Variants in CFAP92 observed in about 807,000 individuals in gnomAD.
CFAP92 encodes cilia and flagella associated protein 92 (putative), also known as uncharacterized protein CFAP92.
CFAP92 carries 86 observed loss-of-function variants against 106.3 expected under a neutral mutation model. The ratio of observed to expected loss-of-function variants is 0.81; its 90% confidence interval spans 0.68 to 0.97. The LOEUF (loss-of-function observed/expected upper bound fraction) is 0.97, where lower values mean the gene tolerates loss of function less well. Among genes scored for constraint, CFAP92 ranks in the 50% least tolerant of loss-of-function variants. CFAP92 has a pLI of 0.00. For missense variants in CFAP92, 1,204 were observed against 1,283.8 expected (o/e 0.94, Z 0.95); for synonymous variants, 477 against 506.4 (o/e 0.94, Z 0.78).
chr3:129,016,163 T>C, the CFAP92 span, among the ~76,000 whole-genome samples: 1 of 152,216 alleles, frequency 6.6e-6, no homozygotes, highest in Non-Finnish European at 1.5e-5. Context: ...ACCGCTCCCT[T>C]GGTTACAGCA....
intron 9 of CFAP92, among the ~76,000 whole-genome samples, chr3:128,964,383 A>G (rs1942200725): frequency 6.6e-6 from 1 of 152,138 alleles, no homozygotes; most frequent in Admixed American, 6.6e-5. Context: ...TGTGCCCCCA[A>G]AAAACTTGTC....
chr3:129,001,836 G>GGCGCCGGCCGTCTGCCCC (rs1333635549), intron 1 of CFAP92: 1 of 1,545,552 alleles, frequency 6.5e-7, no homozygotes, highest in African/African-American at 1.4e-5. Context: ...GGACTGCCGC[G>GGCGCCGGCCGTCTGCCCC]GCGCCGGCCG....
upstream of CFAP92, chr3:129,004,207 T>G: frequency 8.6e-7 from 1 of 1,165,340 alleles, no homozygotes; most frequent in Non-Finnish European, 1.1e-6. Context: ...ATTCATGTAT[T>G]CTTTCATTCC....
chr3:128,961,856 T>C (rs1444092227), intron 9 of CFAP92, among the ~76,000 whole-genome samples: 4 of 152,226 alleles, frequency 2.6e-5, no homozygotes, highest in South Asian at 2.1e-4. Flanking sequence ...TAGGAAAAAG[T>C]TGCAATTCCT....
chr3:129,023,601 G>A, the CFAP92 span, among the ~76,000 whole-genome samples: 2 of 152,108 alleles, frequency 1.3e-5, no homozygotes, highest in African/African-American at 4.8e-5. Flanking sequence ...CAAAGTGCTG[G>A]GATTACAGGC....
intron 8 of CFAP92, chr3:128,967,040 T>C (rs1576561499): frequency 6.6e-6 from 1 of 152,204 alleles, no homozygotes; most frequent in Non-Finnish European, 1.5e-5. Context: ...AGCTAGAGTC[T>C]CCAAGGCTCA....
chr3:128,979,803 G>C (rs989324882), intron 4 of CFAP92, among the ~76,000 whole-genome samples: 3 of 151,792 alleles, frequency 2.0e-5, no homozygotes, highest in Admixed American at 6.6e-5. Context: ...GTTGTGGGGT[G>C]GGGGGAAGGG....
chr3:128,912,877 G>A (rs760273213), intron 15 of CFAP92: 1 of 611,678 alleles, frequency 1.6e-6, no homozygotes, highest in African/African-American at 1.8e-5. Flanking sequence ...GGGTATTCTG[G>A]TCATTGAGGA....
In CFAP92 at chr3:128,956,128, C is replaced by G. The variant is rs1171077653; in HGVS notation, c.1353+9383G>C. ...CTTCCCTCCACTATTGTCCCATGAC[C>G]CTGCCAAATCCCCCTCTGTGAGAAA... On this transcript the variant is annotated intron_variant, in intron 9 of 15. Transcript: ENST00000645291. 9.6e-5 allele frequency among the ~76,000 whole-genome samples: 10 copies of G among 104,622 alleles called. No individual in the cohort carries two copies. The South Asian group carries it at 3.1e-3, about 33-fold the overall frequency. The allele number at this position is 104,622 out of a possible 152,430, so 68.6% of individuals were successfully genotyped here.
At chr3:128,942,915 CCTTT>C (rs1433686396) in intron 10 of CFAP92, among the ~76,000 whole-genome samples, 49 of 129,214 alleles carry the variant, frequency 3.8e-4, no homozygotes, top group African/African-American at 1.5e-3. Flanking sequence ...CAAAACTCAA[CCTTT>C]TTTTTTTTTT....
At chr3:129,004,285 C>T (rs188596339), upstream of CFAP92, among the ~76,000 whole-genome samples, 4 of 152,234 alleles carry the variant, frequency 2.6e-5, no homozygotes, top group Admixed American at 2.6e-4. Flanking sequence ...ATCTGCCCAC[C>T]CATCCATTTA....
chr3:129,002,430 C>G (rs1944834994), intron 1 of CFAP92: 4 of 1,417,424 alleles, frequency 2.8e-6, no homozygotes, highest in Non-Finnish European at 3.7e-6. Flanking sequence ...GAAGGGGAGA[C>G]AGAGGGCAGC....
chr3:128,987,518 C>T, intron 4 of CFAP92, 98 bp downstream of exon 4: 1 of 1,052,692 alleles, frequency 9.5e-7, no homozygotes, highest in Non-Finnish European at 1.4e-6. Flanking sequence ...TGTGCACATG[C>T]CAATTAGATG....
chr3:128,930,120 A>G (rs1938180917), intron 12 of CFAP92, among the ~76,000 whole-genome samples: 3 of 152,170 alleles, frequency 2.0e-5, no homozygotes, highest in African/African-American at 7.2e-5. Context: ...TAGTAAATAA[A>G]TTGTATACTA....
intron 12 of CFAP92, among the ~76,000 whole-genome samples, chr3:128,930,112 G>A (rs1318782540): frequency 6.6e-6 from 1 of 152,092 alleles, no homozygotes; most frequent in Non-Finnish European, 1.5e-5. Flanking sequence ...TAGGGGGCTA[G>A]TAAATAAATT....
At chr3:128,934,102 C>A (rs1339637759) in intron 11 of CFAP92, among the ~76,000 whole-genome samples, 1 of 150,134 alleles carries the variant, frequency 6.7e-6, no homozygotes, top group Non-Finnish European at 1.5e-5. Flanking sequence ...CCTCCGTGCC[C>A]CCGCTGGGTC....
intron 10 of CFAP92, among the ~76,000 whole-genome samples, chr3:128,938,878 A>C (rs775054742): frequency 6.6e-6 from 1 of 152,110 alleles, no homozygotes; most frequent in Non-Finnish European, 1.5e-5. Context: ...AATTATCCCT[A>C]TTTGCAAATG....
the CFAP92 span, among the ~76,000 whole-genome samples, chr3:129,012,352 G>A: frequency 6.6e-6 from 1 of 152,098 alleles, no homozygotes; most frequent in Non-Finnish European, 1.5e-5. Context: ...GGGTGTGCCT[G>A]CATTTGCTAC....
upstream of CFAP92, among the ~76,000 whole-genome samples, chr3:128,995,122 A>C (rs574745394): frequency 6.6e-6 from 1 of 152,282 alleles, no homozygotes; most frequent in East Asian, 1.9e-4. Flanking sequence ...GGCTACACAC[A>C]AGCTTGGCTA....
Sources: allele counts gnomAD v4.1 joint callset (sites outside exome capture counted in the v4.1 genomes callset), GRCh38; gene constraint gnomAD v4.1.1; transcripts MANE v1.5; gene names NCBI Gene and HGNC (gene_info 2026-07-23, HGNC 2026-07-21).